The following MAPK10 variants were observed in gnomAD, a reference collection of about 807,000 sequenced individuals.
MAPK10 encodes JNK3 alpha protein kinase.
In MAPK10, 25 loss-of-function variants were observed where a neutral mutation model predicts 59.3. The ratio of observed to expected loss-of-function variants is 0.42; its 90% CI spans 0.31 to 0.59. The LOEUF is 0.59. Ranked by LOEUF, MAPK10 falls within the 20% of genes least tolerant of loss-of-function variation. The pLI, the probability that MAPK10 is intolerant of heterozygous loss-of-function variation, is 0.15. For missense variants in MAPK10, 351 were observed against 568.9 expected (o/e 0.62, Z 3.90); for synonymous variants, 190 against 200.5 (o/e 0.95, Z 0.44).
intron 4 of MAPK10, among the ~76,000 whole-genome samples, chr4:86,115,577 T>C (rs2058176545): frequency 6.6e-6 from 1 of 152,204 alleles, no homozygotes; most frequent in Admixed American, 6.5e-5. Context: ...TTCTCCTGCC[T>C]CAGCCTCCTG....
chr4:86,111,019 GCTCTC>G (rs1208537705), intron 4 of MAPK10, among the ~76,000 whole-genome samples: 1 of 151,902 alleles, frequency 6.6e-6, no homozygotes, highest in African/African-American at 2.4e-5. Context: ...TCATGATTTG[GCTCTC>G]TGCTTATCTA....
chr4:86,407,044 G>C (rs1363016664), intron 1 of MAPK10, among the ~76,000 whole-genome samples: 1 of 152,072 alleles, frequency 6.6e-6, no homozygotes, highest in Non-Finnish European at 1.5e-5. Flanking sequence ...TGAATCTCTG[G>C]TATGGCCACT....
At chr4:86,174,615 A>T (rs975199778) in intron 3 of MAPK10, among the ~76,000 whole-genome samples, 5 of 152,222 alleles carry the variant, frequency 3.3e-5, no homozygotes, top group East Asian at 1.9e-4. Flanking sequence ...ATTAAATTAA[A>T]TTTTTTTAAA....
intron 1 of MAPK10, among the ~76,000 whole-genome samples, chr4:86,546,780 G>A (rs895551260): frequency 6.6e-6 from 1 of 152,146 alleles, no homozygotes; most frequent in Admixed American, 6.5e-5. Context: ...AAGGGGCTGG[G>A]CGGGGTGGCT....
chr4:86,255,222 T>C (rs1350905731), intron 2 of MAPK10, among the ~76,000 whole-genome samples: 2 of 152,168 alleles, frequency 1.3e-5, no homozygotes, highest in Non-Finnish European at 2.9e-5. Context: ...ATCCAGTTTA[T>C]CAACAGCAGT....
intron 11 of MAPK10, among the ~76,000 whole-genome samples, chr4:86,060,536 T>C (rs946991228): frequency 2.0e-5 from 3 of 151,994 alleles, no homozygotes; most frequent in Admixed American, 1.3e-4. Context: ...CTCTCAGTGG[T>C]AAAGCCACCA....
intron 1 of MAPK10, among the ~76,000 whole-genome samples, chr4:86,374,797 C>T (rs1350622329): frequency 6.6e-6 from 1 of 152,144 alleles, no homozygotes. Context: ...AACTGAAATC[C>T]CCATTCATAT....
intron 3 of MAPK10, among the ~76,000 whole-genome samples, chr4:86,167,556 G>C (rs1194544840): frequency 2.0e-5 from 3 of 152,096 alleles, no homozygotes; most frequent in Non-Finnish European, 4.4e-5. Flanking sequence ...ATGCAAGGGT[G>C]GTTCAACATA....
chr4:86,143,804 G>T (rs1201098907), intron 4 of MAPK10, among the ~76,000 whole-genome samples: 6 of 152,050 alleles, frequency 3.9e-5, no homozygotes, highest in Non-Finnish European at 8.8e-5. Flanking sequence ...ATGAAATAAA[G>T]AATGACTTTC....
chr4:86,133,936 C>A (rs1157736335), intron 4 of MAPK10, among the ~76,000 whole-genome samples: 2 of 152,184 alleles, frequency 1.3e-5, no homozygotes, highest in Non-Finnish European at 1.5e-5. Flanking sequence ...TTTAAGATTT[C>A]ATTTAATCCA....
chr4:86,546,410 A>T (rs1473594362), intron 1 of MAPK10, among the ~76,000 whole-genome samples: 1 of 151,314 alleles, frequency 6.6e-6, no homozygotes, highest in Non-Finnish European at 1.5e-5. Flanking sequence ...AAAAAAAATT[A>T]GCCGGACATG....
intron 9 of MAPK10, among the ~76,000 whole-genome samples, chr4:86,085,489 T>A (rs188483696): frequency 5.3e-5 from 8 of 152,170 alleles, no homozygotes; most frequent in Admixed American, 5.2e-4. Flanking sequence ...AACAGGCATA[T>A]GAAAAAGTGC....
chr4:86,408,459 C>T (rs1260007438), intron 1 of MAPK10, among the ~76,000 whole-genome samples: 8 of 152,142 alleles, frequency 5.3e-5, no homozygotes, highest in Non-Finnish European at 1.2e-4. Flanking sequence ...AGTTCTAGAT[C>T]CTTGAGGAAT....
At chr4:86,479,140 C>A (rs759322910) in intron 1 of MAPK10, among the ~76,000 whole-genome samples, 1 of 152,160 alleles carries the variant, frequency 6.6e-6, no homozygotes, top group Non-Finnish European at 1.5e-5. Context: ...ACGGTCATTT[C>A]TTTCCTTCTG....
chr4:86,360,843 C>T (rs1470110490), upstream of MAPK10, among the ~76,000 whole-genome samples: 2 of 152,080 alleles, frequency 1.3e-5, no homozygotes, highest in Admixed American at 6.6e-5. Context: ...CTTAGAATGA[C>T]AACAGTTGAC....
At chr4:86,211,731 T>C (rs577473112) in intron 2 of MAPK10, among the ~76,000 whole-genome samples, 2 of 152,278 alleles carry the variant, frequency 1.3e-5, no homozygotes, top group South Asian at 4.1e-4. Flanking sequence ...TTTAAGAGGC[T>C]AATGCACTGA....
intron 1 of MAPK10, among the ~76,000 whole-genome samples, chr4:86,577,146 C>A (rs1430298401): frequency 6.6e-6 from 1 of 151,852 alleles, no homozygotes; most frequent in Non-Finnish European, 1.5e-5. Context: ...CAACCACCCA[C>A]CTCTACAAAA....
In MAPK10 at chr4:86,017,164, C is replaced by CGT. The variant is rs1301551245; in HGVS notation, c.*62_*63dup. ...GCATTTGTGTGTGTGTGTGTGTCTG[C>CGT]GTGTGTGTGTGTTCCATCACATCAT... On this transcript the variant is annotated 3_prime_UTR_variant, in exon 14 of 14. Coordinates refer to ENST00000641462, the MANE Select transcript of MAPK10 (RefSeq NM_138982.4). This position sits in a 1 kb window ranked among gnomAD's most constrained non-coding sequence, Gnocchi z 4.4. 7.4e-6 allele frequency: 11 copies of CGT among 1,486,712 alleles called. No individual in the cohort carries two copies. Among genetic ancestry groups the CGT allele is most frequent in the Admixed American group, 1.7e-5 (1 of 57,560 alleles). 92.1% of individuals were successfully genotyped at this position (1,486,712 alleles called of 1,614,324 possible).
rs201551308 is a variant in MAPK10, at chr4:86,094,487, A to G, written c.802+4037T>C. On this transcript the variant is annotated intron_variant, in intron 9 of 13. Transcript: ENST00000641462. ...CTTTATATCCAGAGAATATTGGCCAAGAACTTAGATAAAGGGACATCACAG... is the reference window on the plus strand; with the variant it reads ...CTTTATATCCAGAGAATATTGGCCAGGAACTTAGATAAAGGGACATCACAG... Among the ~76,000 whole-genome samples, 22 of 152,072 alleles carry G rather than the reference A, an allele frequency of 1.4e-4. No homozygotes were observed. In the East Asian group the frequency reaches 4.0e-3, roughly 28 times the overall value.
Sources: gnomAD v4.1 joint callset for allele counts (sites outside exome capture counted in the v4.1 genomes callset) on GRCh38, gnomAD v4.1.1 for gene constraint, Gnocchi (gnomAD v3.1) non-coding constraint, MANE v1.5 for transcripts, NCBI Gene and HGNC (gene_info 2026-07-23, HGNC 2026-07-21) for gene names.